MRPS10: variants seen among roughly 807,000 people sequenced by gnomAD.
MRPS10 encodes the protein small ribosomal subunit protein uS10m.
A neutral mutation model predicts 27.5 loss-of-function variants in MRPS10; 23 were observed. The observed-to-expected ratio is 0.84, with a 90% CI of 0.60 to 1.18. The LOEUF (loss-of-function observed/expected upper bound fraction) is 1.18. Ranked by LOEUF, MRPS10 falls within the 50% of genes most tolerant of loss-of-function variation. The pLI, the probability that MRPS10 is intolerant of heterozygous loss-of-function variation, is 0.00. For missense variants in MRPS10, 237 were observed against 240.1 expected (o/e 0.99, Z 0.09); for synonymous variants, 88 against 84.2 (o/e 1.04, Z -0.25).
chr6:42,208,711 C>A lies in MRPS10; in HGVS notation c.522+147G>T, dbSNP rs983891127. On this transcript the variant is annotated intron_variant, in intron 6 of 6. Transcript: ENST00000053468. ...GTTGCAAGGGGTGGGTAGCCCCCAA[C>A]CGCTGTGGCAACTGTGTCTCCCAGT... The A allele has an allele frequency of 4.8e-6, 3 of 621,302 alleles. No individual in the cohort carries two copies. In the Admixed American group the frequency reaches 1.0e-4, roughly 21 times the overall value. 38.5% of individuals were successfully genotyped at this position (621,302 alleles called of 1,614,324 possible).
chr6:42,214,276 T>C lies in MRPS10; in HGVS notation c.113+4A>G, dbSNP rs935905154. ...CAATTTAGCACATCCAATTGTATAC[T>C]TACAGAAGCAAGCCACCATTTTTGG... On this transcript the variant is annotated splice_donor_region_variant and intron_variant, in intron 2 of 6. Coordinates refer to ENST00000053468, the MANE Select transcript of MRPS10 (RefSeq NM_018141.4). The C allele has an allele frequency of 6.2e-7, 1 of 1,612,462 alleles. No individual in the cohort carries two copies.
intron 5 of MRPS10, 63 bp from the exon 6 acceptor site, chr6:42,209,010 T>TC: frequency 2.7e-6 from 3 of 1,104,722 alleles, no homozygotes; most frequent in Non-Finnish European, 3.9e-6. Flanking sequence ...TTTTTTGTTT[T>TC]TTTTTTTGAG....
chr6:42,215,359 CAA>C (rs771389045), intron 1 of MRPS10, among the ~76,000 whole-genome samples: 2 of 73,258 alleles, frequency 2.7e-5, no homozygotes, highest in Admixed American at 1.7e-4. Context: ...GACTCCCTCT[CAA>C]AAAAAAAAAA....
intron 1 of MRPS10, among the ~76,000 whole-genome samples, chr6:42,216,381 AGAGAGT>A (rs1226033592): frequency 2.2e-4 from 7 of 31,984 alleles, no homozygotes; most frequent in African/African-American, 4.7e-4. Flanking sequence ...AGAGAGAGAG[AGAGAGT>A]GTGTGTGTGT....
Position 42,208,276 on chromosome 6 carries a change from C to A in MRPS10, c.*13G>T, listed in dbSNP as rs769089129. On this transcript the variant is annotated 3_prime_UTR_variant, in exon 7 of 7. Coordinates refer to ENST00000053468, the MANE Select transcript of MRPS10 (RefSeq NM_018141.4). ...TCATTTCAAATTTAGGCAAAAATGG[C>A]CTCCCTGAGGCTTTATGACTTGCTT... 4 of 1,601,352 alleles carry A rather than the reference C, an allele frequency of 2.5e-6. No individual in the cohort carries two copies. The highest frequency in any genetic ancestry group is 1.1e-5 in the South Asian group (1 of 90,174).
chr6:42,210,664 G>C, intron 4 of MRPS10, 68 bp from the exon 5 acceptor site: 4 of 1,570,318 alleles, frequency 2.5e-6, no homozygotes, highest in East Asian at 4.6e-5. Flanking sequence ...TAATTTTGTA[G>C]GTCAGACTCA....
At chr6:42,209,335 A>G (rs1028996675) in intron 5 of MRPS10, among the ~76,000 whole-genome samples, 2 of 152,176 alleles carry the variant, frequency 1.3e-5, no homozygotes, top group Admixed American at 6.5e-5. Context: ...CAGGCTCACA[A>G]AACAACTGAA....
At chr6:42,213,187 G>A (rs1202972832) in intron 3 of MRPS10, among the ~76,000 whole-genome samples, 1 of 152,206 alleles carries the variant, frequency 6.6e-6, no homozygotes, top group Non-Finnish European at 1.5e-5. Flanking sequence ...GGTGGCTCAT[G>A]CCTGTAATCC....
chr6:42,217,739 G>A, intron 1 of MRPS10, 63 bp downstream of exon 1: 1 of 1,546,506 alleles, frequency 6.5e-7, no homozygotes, highest in Non-Finnish European at 8.9e-7. Context: ...GCGGCTGGTG[G>A]CAGGGAAACT....
At chr6:42,212,017 A>C in intron 3 of MRPS10, 100 bp from the exon 4 acceptor site, 5 of 1,088,898 alleles carry the variant, frequency 4.6e-6, no homozygotes, top group Non-Finnish European at 6.6e-6. Context: ...GAGTTTACTA[A>C]TAAATGAGGA....
At chr6:42,211,985 T>C in intron 3 of MRPS10, 68 bp from the exon 4 acceptor site, 1 of 1,431,372 alleles carries the variant, frequency 7.0e-7, no homozygotes, top group Non-Finnish European at 9.6e-7. Context: ...TTTAAAACAT[T>C]AGCCTCAATT....
intron 1 of MRPS10, among the ~76,000 whole-genome samples, chr6:42,215,585 C>T (rs1211143874): frequency 6.6e-6 from 1 of 151,982 alleles, no homozygotes; most frequent in African/African-American, 2.4e-5. Flanking sequence ...GGCCACCAGG[C>T]CCAGCTAATA....
At chr6:42,217,208 G>C (rs1266540687) in intron 1 of MRPS10, among the ~76,000 whole-genome samples, 1 of 152,110 alleles carries the variant, frequency 6.6e-6, no homozygotes, top group Admixed American at 6.6e-5. Flanking sequence ...TTTCCAAAAA[G>C]CTAAATATAG....
chr6:42,210,134 C>T (rs1449525091), intron 5 of MRPS10, among the ~76,000 whole-genome samples: 1 of 152,194 alleles, frequency 6.6e-6, no homozygotes, highest in Non-Finnish European at 1.5e-5. Flanking sequence ...GAATGAAAAA[C>T]CTAATGCTGT....
intron 2 of MRPS10, 34 bp downstream of exon 2, chr6:42,214,246 T>C (rs1370999986): frequency 6.2e-7 from 1 of 1,609,500 alleles, no homozygotes; most frequent in Non-Finnish European, 8.5e-7. Flanking sequence ...AGAACCTATT[T>C]TGTTCAATTT....
rs1768620582 is a variant in MRPS10, at chr6:42,207,238, T to TG, written c.*1050dup. 6.6e-6 allele frequency: 1 copy of TG among 151,816 alleles called. No homozygotes were observed. Among genetic ancestry groups the TG allele is most frequent in the Non-Finnish European group, 1.5e-5 (1 of 67,974 alleles). The allele number at this position is 151,816 out of a possible 1,614,324, so 9.4% of individuals were successfully genotyped here. ...TTGCACAATTTTCTTTTTTTTTTTT[T>TG]GAGACGGCGTCTCGCTCTGTCGCCA... On this transcript the variant is annotated 3_prime_UTR_variant, in exon 7 of 7. Transcript: ENST00000053468.
intron 4 of MRPS10, among the ~76,000 whole-genome samples, chr6:42,211,240 AAAGGG>A (rs1768762010): frequency 6.6e-6 from 1 of 152,238 alleles, no homozygotes. Flanking sequence ...CATCACATCC[AAAGGG>A]TCTAAAACGA....
chr6:42,217,838 C>A lies in MRPS10; in HGVS notation c.12G>T (p.Arg4=). The A allele has an allele frequency of 1.9e-6, 3 of 1,614,168 alleles. No individual in the cohort carries two copies. Among genetic ancestry groups the A allele is most frequent in the Non-Finnish European group, 2.5e-6 (3 of 1,180,014 alleles). Residue 4 remains arginine, a synonymous_variant, in exon 1 of 7, where the codon CGG becomes CGT. Transcript: ENST00000053468. MAA[R]TAFGAVCRRL... ...GCCGGCACACAGCACCGAACGCTGTCCGCGCCGCCATCTTGCCGGTCCCGA... is the reference window on the plus strand; with the variant it reads ...GCCGGCACACAGCACCGAACGCTGTACGCGCCGCCATCTTGCCGGTCCCGA...
intron 3 of MRPS10, 40 bp downstream of exon 3, chr6:42,214,080 C>A: frequency 6.7e-7 from 1 of 1,500,366 alleles, no homozygotes; most frequent in Middle Eastern, 2.4e-4. Flanking sequence ...AAACCTATTG[C>A]CAAGGTAGCT....
Sources: allele counts gnomAD v4.1 joint callset (sites outside exome capture counted in the v4.1 genomes callset), GRCh38; gene constraint gnomAD v4.1.1; transcripts MANE v1.5; gene names NCBI Gene and HGNC (gene_info 2026-07-23, HGNC 2026-07-21).